KCNQ3: variants seen among roughly 807,000 people sequenced by gnomAD.
The protein encoded by KCNQ3 is potassium voltage-gated channel subfamily Q member 3.
A neutral mutation model predicts 92.5 loss-of-function variants in KCNQ3; 30 were observed. That is an observed-to-expected ratio of 0.32 (90% CI 0.24 to 0.44). KCNQ3 has a LOEUF of 0.44. Ranked by LOEUF, KCNQ3 falls within the 20% of genes least tolerant of loss-of-function variation. The pLI is 1.00. For synonymous variants in KCNQ3, 450 were observed against 468.8 expected (o/e 0.96, Z 0.52); for missense variants, 913 against 1,140.3 (o/e 0.80, Z 2.87).
intron 1 of KCNQ3, among the ~76,000 whole-genome samples, chr8:132,464,646 G>C (rs1020434269): frequency 6.6e-6 from 1 of 152,166 alleles, no homozygotes; most frequent in African/African-American, 2.4e-5. Flanking sequence ...AGAAAACGAA[G>C]GAGGAAGTGG....
Position 132,183,471 on chromosome 8 carries a change from C to G in KCNQ3, c.604+770G>C, listed in dbSNP as rs1420807250. ...AGCTGGACTAAATGCCTTTGGAGGTCCTTCCAGCCCTGACACTCTATGATC... is the reference window on the plus strand; with the variant it reads ...AGCTGGACTAAATGCCTTTGGAGGTGCTTCCAGCCCTGACACTCTATGATC... On this transcript the variant is annotated intron_variant, in intron 3 of 14. Coordinates refer to ENST00000388996, the MANE Select transcript of KCNQ3 (RefSeq NM_004519.4). Among the ~76,000 whole-genome samples the G allele has an allele frequency of 5.3e-5, 8 of 152,222 alleles. No homozygotes were observed. The South Asian group carries it at 6.2e-4, about 12-fold the overall frequency.
Position 132,297,815 on chromosome 8 carries a change from G to A in KCNQ3, c.387-111634C>T, listed in dbSNP as rs938801498. Among the ~76,000 whole-genome samples, 15 of 117,144 alleles carry A rather than the reference G, an allele frequency of 1.3e-4. 1 individual carries two copies. Among genetic ancestry groups the A allele is most frequent in the South Asian group, 6.0e-4 (2 of 3,312 alleles). 76.9% of individuals were successfully genotyped at this position (117,144 alleles called of 152,430 possible). A position where few individuals can be genotyped will look rare whatever the true frequency, so the allele number is the denominator to read the frequency against. On this transcript the variant is annotated intron_variant, in intron 1 of 14. Transcript: ENST00000388996. The stretch of plus-strand genomic sequence containing the variant: ...TCCCCGGCTCCTAAAGCTGCTAACC[G>A]GAACTCATGTATCAGTTCCATTCCC...
chr8:132,131,913 C>T (rs1824892345), intron 14 of KCNQ3, among the ~76,000 whole-genome samples: 1 of 151,952 alleles, frequency 6.6e-6, no homozygotes, highest in South Asian at 2.1e-4. Flanking sequence ...CATGGTGAAA[C>T]CCCATCTCTA....
chr8:132,252,553 C>T (rs1442841047), intron 1 of KCNQ3, among the ~76,000 whole-genome samples: 7 of 152,164 alleles, frequency 4.6e-5, no homozygotes, highest in African/African-American at 1.4e-4. Flanking sequence ...ACAAAGCTTC[C>T]ACAGCACGGA....
chr8:132,183,745 C>A (rs1369902801), intron 3 of KCNQ3, among the ~76,000 whole-genome samples: 1 of 152,214 alleles, frequency 6.6e-6, no homozygotes, highest in East Asian at 1.9e-4. Flanking sequence ...CTGTTTCCTG[C>A]ATGACTGAAA....
chr8:132,382,530 A>G (rs1366818136), intron 1 of KCNQ3, among the ~76,000 whole-genome samples: 3 of 152,210 alleles, frequency 2.0e-5, no homozygotes, highest in Non-Finnish European at 2.9e-5. Flanking sequence ...TCTTGTCTCT[A>G]TCAATTACCC....
At position 132,447,519 on chromosome 8, in the gene KCNQ3, A is replaced by G. The variant is rs150372629; in HGVS notation, c.386+32628T>C. 2.0e-3 allele frequency among the ~76,000 whole-genome samples: 297 copies of G among 152,284 alleles called. 1 individual carries two copies. The highest frequency in any genetic ancestry group is 6.7e-3 in the African/African-American group (279 of 41,558). On this transcript the variant is annotated intron_variant, in intron 1 of 14. Coordinates refer to ENST00000388996, the MANE Select transcript of KCNQ3 (RefSeq NM_004519.4). ...AAAACAGGAGAAAGAAAAGTAATGG[A>G]GATTAAAGAAAAAGAAGGAGCAGAG...
chr8:132,250,964 G>T (rs1201381869), intron 1 of KCNQ3, among the ~76,000 whole-genome samples: 1 of 152,186 alleles, frequency 6.6e-6, no homozygotes, highest in Non-Finnish European at 1.5e-5. Flanking sequence ...TCATTAGAAA[G>T]ACATGCATTT....
intron 1 of KCNQ3, among the ~76,000 whole-genome samples, chr8:132,209,105 A>T (rs1039823470): frequency 3.3e-5 from 5 of 152,114 alleles, no homozygotes; most frequent in Admixed American, 3.3e-4. Context: ...TTTGCATGGG[A>T]AGAGAGACAG....
At chr8:132,259,659 G>C (rs4736566) in intron 1 of KCNQ3, among the ~76,000 whole-genome samples, 5 of 151,828 alleles carry the variant, frequency 3.3e-5, no homozygotes, top group Non-Finnish European at 7.4e-5. Flanking sequence ...TCAGGACAAT[G>C]AGGCAAGAAA....
At chr8:132,144,713 T>C (rs993419202) in intron 9 of KCNQ3, among the ~76,000 whole-genome samples, 9 of 152,226 alleles carry the variant, frequency 5.9e-5, no homozygotes, top group African/African-American at 2.2e-4. Context: ...GTGTAGTTTC[T>C]TCACATTCAG....
rs751392693 is a variant in KCNQ3 at position 132,186,078 on chromosome 8, A to G, written c.477+13T>C. On this transcript the variant is annotated intron_variant, in intron 2 of 14. Transcript: ENST00000388996. ...GCCCAACCAGAAGCATTTACCCCAG[A>G]ATGCAATCTTACCAGTAACAGAAGC... 3 of 1,600,678 alleles carry G rather than the reference A, an allele frequency of 1.9e-6. No individual in the cohort carries two copies. Among genetic ancestry groups the G allele is most frequent in the Non-Finnish European group, 1.7e-6 (2 of 1,167,946 alleles).
chr8:132,183,850 G>T (rs977884555), intron 3 of KCNQ3, among the ~76,000 whole-genome samples: 1 of 152,150 alleles, frequency 6.6e-6, no homozygotes, highest in East Asian at 1.9e-4. Context: ...ACGGTGTCAC[G>T]CCTACAGCTT....
At chr8:132,230,966 T>A (rs773049384) in intron 1 of KCNQ3, among the ~76,000 whole-genome samples, 12 of 152,202 alleles carry the variant, frequency 7.9e-5, no homozygotes, top group Non-Finnish European at 1.5e-4. Context: ...AATGAGGTTA[T>A]GATGGGCCCA....
At chr8:132,402,277 GC>G (rs1202606295) in intron 1 of KCNQ3, among the ~76,000 whole-genome samples, 2 of 151,978 alleles carry the variant, frequency 1.3e-5, no homozygotes, top group African/African-American at 4.8e-5. Context: ...TTGAGAACTG[GC>G]CCCCACTGCC....
intron 1 of KCNQ3, among the ~76,000 whole-genome samples, chr8:132,315,212 T>C (rs1817706551): frequency 6.6e-6 from 1 of 151,956 alleles, no homozygotes; most frequent in African/African-American, 2.4e-5. Flanking sequence ...AAGAAGAATG[T>C]GGGGAAAACG....
chr8:132,399,003 T>G (rs1007462481), intron 1 of KCNQ3, among the ~76,000 whole-genome samples: 1 of 152,194 alleles, frequency 6.6e-6, no homozygotes, highest in East Asian at 1.9e-4. Flanking sequence ...ACAAATTCAG[T>G]GCAGCCATAT....
intron 1 of KCNQ3, chr8:132,278,130 C>T (rs1201083057): frequency 1.0e-6 from 1 of 985,230 alleles, no homozygotes; most frequent in African/African-American, 1.7e-5. Context: ...CTCTAACTAA[C>T]TAGAGAATCC....
intron 9 of KCNQ3, among the ~76,000 whole-genome samples, chr8:132,162,293 A>G (rs1222833319): frequency 6.6e-6 from 1 of 152,242 alleles, no homozygotes; most frequent in Non-Finnish European, 1.5e-5. Flanking sequence ...GGTAGATTTA[A>G]TAATTCACTT....
Sources: allele counts gnomAD v4.1 joint callset (sites outside exome capture counted in the v4.1 genomes callset), GRCh38; gene constraint gnomAD v4.1.1; transcripts MANE v1.5; gene names NCBI Gene and HGNC (gene_info 2026-07-23, HGNC 2026-07-21).